PDE4D: variants seen among roughly 807,000 people sequenced by gnomAD.
The protein encoded by PDE4D is phosphodiesterase 4D, also known as 3',5'-cyclic-AMP phosphodiesterase 4D.
Under a neutral mutation model 87.4 loss-of-function variants are expected in PDE4D, and 24 were observed. The ratio of observed to expected loss-of-function variants is 0.27; its 90% CI spans 0.20 to 0.39. The LOEUF is 0.39. PDE4D is among the 10% of genes least tolerant of loss of function. PDE4D has a pLI of 1.00. For missense variants in PDE4D, 714 were observed against 1,041.0 expected, an observed-to-expected ratio of 0.69 and a Z score of 4.32; for synonymous variants, 384 against 383.2, an observed-to-expected ratio of 1.00 and a Z score of -0.02.
At chr5:59,094,842 C>A (rs753638700) in intron 5 of PDE4D, among the ~76,000 whole-genome samples, 44 of 152,242 alleles carry the variant, frequency 2.9e-4, no homozygotes, top group Admixed American at 2.0e-4. Context: ...TTATCCCCAA[C>A]TTGGATACTA....
chr5:59,570,179 TAA>T (rs201354720), intron 1 of PDE4D, among the ~76,000 whole-genome samples: 1 of 151,900 alleles, frequency 6.6e-6, no homozygotes, highest in East Asian at 1.9e-4. Flanking sequence ...TCTTATTCTT[TAA>T]AAAAAACCCA....
At chr5:60,054,590 T>C (rs1210415871) in intron 2 of PDE4D, among the ~76,000 whole-genome samples, 1 of 152,030 alleles carries the variant, frequency 6.6e-6, no homozygotes, top group Non-Finnish European at 1.5e-5. Context: ...GATGATGGGT[T>C]GATTGGTGTG....
At chr5:59,546,631 T>C (rs1003662082) in intron 1 of PDE4D, among the ~76,000 whole-genome samples, 2 of 152,116 alleles carry the variant, frequency 1.3e-5, no homozygotes, top group African/African-American at 2.4e-5. Context: ...AAAGCCTTCC[T>C]TTCCCCTATC....
intron 1 of PDE4D, among the ~76,000 whole-genome samples, chr5:59,237,443 A>G (rs751400949): frequency 6.6e-6 from 1 of 152,102 alleles, no homozygotes; most frequent in Non-Finnish European, 1.5e-5. Flanking sequence ...AACCCATTTT[A>G]TTGATAATGA....
intron 5 of PDE4D, among the ~76,000 whole-genome samples, chr5:59,113,970 CTCCCTT>C (rs1309553427): frequency 6.6e-6 from 1 of 152,158 alleles, no homozygotes; most frequent in African/African-American, 2.4e-5. Flanking sequence ...AAATTCTCTC[CTCCCTT>C]TCCAAGAGCT....
intron 2 of PDE4D, among the ~76,000 whole-genome samples, chr5:59,214,837 G>A (rs1667038836): frequency 6.6e-6 from 1 of 152,124 alleles, no homozygotes; most frequent in Admixed American, 6.6e-5. Flanking sequence ...TAGACCTATT[G>A]CAATACAACT....
intron 1 of PDE4D, among the ~76,000 whole-genome samples, chr5:59,593,848 A>C (rs1016687035): frequency 1.1e-4 from 16 of 152,202 alleles, no homozygotes; most frequent in African/African-American, 3.9e-4. Context: ...TTTTACCTCC[A>C]GGAGTGCTAC....
At chr5:60,021,785 C>T (rs1056822056) in intron 2 of PDE4D, 2 of 152,212 alleles carry the variant, frequency 1.3e-5, no homozygotes, top group African/African-American at 2.4e-5. Context: ...GGAGCAGACC[C>T]TGTCTTTAAT....
intron 11 of PDE4D, among the ~76,000 whole-genome samples, chr5:58,986,134 T>C (rs1263843202): frequency 6.6e-6 from 1 of 152,220 alleles, no homozygotes; most frequent in Non-Finnish European, 1.5e-5. Context: ...CATTGCAATA[T>C]TACTAAATAA....
chr5:60,445,442 TAA>T (rs1242406907), intron 1 of PDE4D, among the ~76,000 whole-genome samples: 1 of 152,146 alleles, frequency 6.6e-6, no homozygotes, highest in Non-Finnish European at 1.5e-5. Flanking sequence ...GAGAAAAATA[TAA>T]AGTTAAATTC....
chr5:59,215,557 G>C lies in PDE4D; in HGVS notation c.647+220C>G, dbSNP rs1751055013. On this transcript the variant is annotated intron_variant, in intron 2 of 14. Coordinates refer to ENST00000340635, the MANE Select transcript of PDE4D (RefSeq NM_001104631.2). ...TCTGGGAAAATAAATACATGCGTGT[G>C]TGTGTGTGTGTGTGTGTGTGTGTGT... The C allele has an allele frequency of 9.1e-6, 3 of 329,848 alleles. No homozygotes were observed. The South Asian group carries it at 1.1e-4, about 12-fold the overall frequency. 20.4% of individuals were successfully genotyped at this position (329,848 alleles called of 1,614,324 possible). A position where few individuals can be genotyped will look rare whatever the true frequency, so the allele number is the denominator to read the frequency against.
intron 5 of PDE4D, among the ~76,000 whole-genome samples, chr5:59,147,411 C>T (rs1297679668): frequency 6.6e-6 from 1 of 151,872 alleles, no homozygotes; most frequent in Non-Finnish European, 1.5e-5. Flanking sequence ...TAAAAAAAAC[C>T]TCAAACATTT....
chr5:60,176,543 G>A (rs1233874559), intron 2 of PDE4D, among the ~76,000 whole-genome samples: 2 of 152,250 alleles, frequency 1.3e-5, no homozygotes, highest in East Asian at 1.9e-4. Context: ...AGGGTTTGGT[G>A]AGGATGATGA....
At chr5:59,745,002 T>C (rs1759399086) in intron 1 of PDE4D, among the ~76,000 whole-genome samples, 1 of 152,212 alleles carries the variant, frequency 6.6e-6, no homozygotes, top group Admixed American at 6.5e-5. Context: ...CAAACAATTT[T>C]ATGTGAAGGG....
intron 1 of PDE4D, among the ~76,000 whole-genome samples, chr5:60,276,070 T>TAGATTGTTATATA (rs1232391358): frequency 6.6e-6 from 1 of 152,212 alleles, no homozygotes; most frequent in African/African-American, 2.4e-5. Flanking sequence ...TTGTTATAAA[T>TAGATTGTTATATA]TCTATAGACA....
At chr5:60,376,531 A>T (rs1411337965) in intron 1 of PDE4D, among the ~76,000 whole-genome samples, 1 of 152,152 alleles carries the variant, frequency 6.6e-6, no homozygotes, top group Non-Finnish European at 1.5e-5. Context: ...GCCACAGCGA[A>T]TTTCCAAAGA....
chr5:60,378,993 C>T (rs1761650468), intron 1 of PDE4D, among the ~76,000 whole-genome samples: 1 of 152,160 alleles, frequency 6.6e-6, no homozygotes, highest in Non-Finnish European at 1.5e-5. Flanking sequence ...TGAGCATTTA[C>T]TCCCCACACT....
chr5:60,000,301 T>C (rs1259777033), intron 2 of PDE4D, among the ~76,000 whole-genome samples: 1 of 152,094 alleles, frequency 6.6e-6, no homozygotes, highest in Non-Finnish European at 1.5e-5. Flanking sequence ...AACTGTCAAA[T>C]ATCAAAGACA....
chr5:59,055,575 C>T (rs532641796), intron 5 of PDE4D, among the ~76,000 whole-genome samples: 1 of 152,076 alleles, frequency 6.6e-6, no homozygotes, highest in Non-Finnish European at 1.5e-5. Flanking sequence ...ATCATCTAGA[C>T]CTTTTTCCCT....
Sources: gnomAD v4.1 joint callset for allele counts (sites outside exome capture counted in the v4.1 genomes callset) on GRCh38, gnomAD v4.1.1 for gene constraint, MANE v1.5 for transcripts, NCBI Gene and HGNC (gene_info 2026-07-23, HGNC 2026-07-21) for gene names.